GNG4: variants seen among roughly 807,000 people sequenced by gnomAD.
GNG4 encodes guanine nucleotide-binding protein G(I)/G(S)/G(O) subunit gamma-4.
GNG4 carries 4 observed loss-of-function variants against 5.8 expected under a neutral mutation model. That is an observed-to-expected ratio of 0.69 (90% CI 0.34 to 1.57). GNG4 has a LOEUF of 1.57. Ranked by LOEUF, GNG4 falls within the 40% of genes most tolerant of loss-of-function variation. The probability of loss-of-function intolerance (pLI) is 0.06; values close to 1 mark genes in which losing one functional copy is unlikely to be tolerated. For missense variants in GNG4, 96 were observed against 95.1 expected, an observed-to-expected ratio of 1.01 and a Z score of -0.04; for synonymous variants, 29 against 32.9, an observed-to-expected ratio of 0.88 and a Z score of 0.41.
intron 2 of GNG4, among the ~76,000 whole-genome samples, chr1:235,585,562 T>C (rs1319168794): frequency 6.6e-6 from 1 of 152,208 alleles, no homozygotes; most frequent in Non-Finnish European, 1.5e-5. Flanking sequence ...TATTTAGCAA[T>C]ACATTTTAGA....
chr1:235,559,320 A>G (rs570161392), intron 3 of GNG4, among the ~76,000 whole-genome samples: 3 of 152,318 alleles, frequency 2.0e-5, no homozygotes, highest in Admixed American at 6.5e-5. Context: ...TGCACACTCC[A>G]CTAGAAGATA....
chr1:235,587,337 G>C (rs1263379358), intron 2 of GNG4, among the ~76,000 whole-genome samples: 8 of 126,008 alleles, frequency 6.3e-5, no homozygotes, highest in African/African-American at 1.9e-4. Flanking sequence ...GAGTGTGAGA[G>C]CATGTATGAG....
At chr1:235,590,940 C>A (rs1238618901) in intron 2 of GNG4, among the ~76,000 whole-genome samples, 1 of 152,220 alleles carries the variant, frequency 6.6e-6, no homozygotes, top group East Asian at 1.9e-4. Flanking sequence ...ATATGAATCA[C>A]CTGAGGATTT....
rs1686772645 is a variant in GNG4 at position 235,552,227 on chromosome 1, G to T, written c.110C>A (p.Ala37Glu). Residue 37 changes from alanine to glutamate, a missense_variant, in exon 4 of 4, where the codon GCA becomes GAA. Transcript: ENST00000391854. ...ACAGTAGGCCAGGAGGTCCGCAGCT[G>T]CCTGGGAGACCTGTGAGGGCACAGA... is the stretch of plus-strand genomic sequence containing the variant. Reference protein sequence around the residue: ...ACMDRVKVSQAAADLLAYCEA... With the variant: ...ACMDRVKVSQEAADLLAYCEA... 6.2e-7 allele frequency: 1 copy of T among 1,613,832 alleles called. No homozygotes were observed. Among genetic ancestry groups the T allele is most frequent in the Non-Finnish European group, 8.5e-7 (1 of 1,179,864 alleles).
chr1:235,599,126 C>T (rs922564312), intron 1 of GNG4, among the ~76,000 whole-genome samples: 6 of 152,094 alleles, frequency 3.9e-5, no homozygotes, highest in Non-Finnish European at 8.8e-5. Context: ...TCATGAAACC[C>T]GTATCTCAGG....
rs534040327 is a variant in GNG4, at chr1:235,581,461, G to A, written c.99+2279C>T. ...GAAGAATGGCGTGAACCCGGGAGGC[G>A]GAGCTTGCAGTGAGCCGAGATCACA... On this transcript the variant is annotated intron_variant, in intron 3 of 3. Coordinates refer to ENST00000391854, the MANE Select transcript of GNG4 (RefSeq NM_001098722.2). Among the ~76,000 whole-genome samples, 23 of 151,234 alleles carry A rather than the reference G, an allele frequency of 1.5e-4. No homozygotes were observed. The South Asian group carries it at 3.4e-3, about 22-fold the overall frequency.
At chr1:235,582,907 C>T (rs1571893348) in intron 3 of GNG4, among the ~76,000 whole-genome samples, 1 of 152,178 alleles carries the variant, frequency 6.6e-6, no homozygotes, top group South Asian at 2.1e-4. Context: ...AGTATTGGTG[C>T]TTTCTAGCCA....
At chr1:235,593,703 G>A (rs1194520128) in intron 2 of GNG4, among the ~76,000 whole-genome samples, 1 of 152,150 alleles carries the variant, frequency 6.6e-6, no homozygotes, top group East Asian at 1.9e-4. Context: ...GCTCAGGAGT[G>A]AAGCTGCAGA....
chr1:235,602,942 C>A (rs1404382232), intron 1 of GNG4, among the ~76,000 whole-genome samples: 4 of 152,106 alleles, frequency 2.6e-5, no homozygotes, highest in Non-Finnish European at 5.9e-5. Flanking sequence ...TTCGCTTCCA[C>A]ACAGGGATCT....
chr1:235,637,676 T>A (rs945907322), intron 1 of GNG4, among the ~76,000 whole-genome samples: 21 of 131,900 alleles, frequency 1.6e-4, no homozygotes, highest in Non-Finnish European at 2.6e-4. Flanking sequence ...AAAAAAAAAA[T>A]TAGAATGAGG....
intron 3 of GNG4, among the ~76,000 whole-genome samples, chr1:235,570,880 G>GTGTGTGTGTGTA (rs1182279062): frequency 1.4e-5 from 2 of 143,220 alleles, no homozygotes; most frequent in African/African-American, 5.2e-5. Flanking sequence ...GTGTGTGTGT[G>GTGTGTGTGTGTA]TATATGTATG....
chr1:235,639,958 G>T (rs10737852), intron 1 of GNG4, among the ~76,000 whole-genome samples: 80,019 of 151,978 alleles, frequency 0.53, 23,510 homozygotes, highest in East Asian at 0.85. Flanking sequence ...GTGAAGGTAG[G>T]TCTGTGTCCT....
chr1:235,594,648 G>C (rs111338211), intron 2 of GNG4, among the ~76,000 whole-genome samples: 1 of 152,170 alleles, frequency 6.6e-6, no homozygotes, highest in Non-Finnish European at 1.5e-5. Flanking sequence ...GCCCCTCACT[G>C]CCCGGGGCTT....
intron 3 of GNG4, among the ~76,000 whole-genome samples, chr1:235,555,555 G>T (rs59685555): frequency 6.6e-6 from 1 of 151,502 alleles, no homozygotes; most frequent in South Asian, 2.1e-4. Context: ...AGTGCACACC[G>T]GCAGTCCCAG....
At chr1:235,635,507 A>G (rs2102985313) in intron 1 of GNG4, among the ~76,000 whole-genome samples, 1 of 67,502 alleles carries the variant, frequency 1.5e-5, no homozygotes, top group African/African-American at 6.8e-5. Flanking sequence ...GGCGGGGAAA[A>G]ATGTGATTCC....
intron 1 of GNG4, among the ~76,000 whole-genome samples, chr1:235,609,874 C>CA (rs1213601889): frequency 6.0e-5 from 9 of 150,070 alleles, no homozygotes; most frequent in African/African-American, 2.0e-4. Context: ...GACCCTGTCT[C>CA]AAAAAAAGAA....
At chr1:235,621,831 C>T (rs1688719058) in intron 1 of GNG4, among the ~76,000 whole-genome samples, 1 of 152,004 alleles carries the variant, frequency 6.6e-6, no homozygotes, top group Admixed American at 6.6e-5. Context: ...AGTGCACCAC[C>T]ATGTCTGGCT....
intron 3 of GNG4, among the ~76,000 whole-genome samples, chr1:235,567,980 A>C (rs1275697985): frequency 6.6e-6 from 1 of 152,094 alleles, no homozygotes; most frequent in Non-Finnish European, 1.5e-5. Context: ...GCCCTTGCAC[A>C]ACATCCTGTT....
chr1:235,624,712 C>G (rs113491978), intron 1 of GNG4, among the ~76,000 whole-genome samples: 1 of 152,316 alleles, frequency 6.6e-6, no homozygotes, highest in African/African-American at 2.4e-5. Context: ...TTTTGCTTCT[C>G]ATTTCATTTG....
Sources: gnomAD v4.1 joint callset for allele counts (sites outside exome capture counted in the v4.1 genomes callset) on GRCh38, gnomAD v4.1.1 for gene constraint, MANE v1.5 for transcripts, NCBI Gene and HGNC (gene_info 2026-07-23, HGNC 2026-07-21) for gene names.